NR3C2: variants seen among roughly 807,000 people sequenced by gnomAD.
NR3C2 encodes the protein mineralocorticoid receptor.
NR3C2 carries 15 observed loss-of-function variants against 86.4 expected under a neutral mutation model. The observed-to-expected ratio is 0.17, with a 90% confidence interval of 0.12 to 0.27. The LOEUF is 0.27. Among genes scored for constraint, NR3C2 ranks in the 10% least tolerant of loss-of-function variants. The pLI, the probability that NR3C2 is intolerant of heterozygous loss-of-function variation, is 1.00. For missense variants in NR3C2, 960 were observed against 1,195.6 expected, an observed-to-expected ratio of 0.80 and a Z score of 2.91; for synonymous variants, 458 against 450.5, an observed-to-expected ratio of 1.02 and a Z score of -0.21.
chr4:148,251,204 C>A (rs2149860432), intron 3 of NR3C2, among the ~76,000 whole-genome samples: 1 of 152,196 alleles, frequency 6.6e-6, no homozygotes, highest in South Asian at 2.1e-4. Flanking sequence ...AATAATCCAC[C>A]CGCCTAAACC....
intron 2 of NR3C2, among the ~76,000 whole-genome samples, chr4:148,344,265 A>G (rs2149984727): frequency 6.6e-6 from 1 of 152,310 alleles, no homozygotes; most frequent in East Asian, 1.9e-4. Context: ...TATTCCTTAT[A>G]TTCAGGTCAA....
chr4:148,168,802 A>G (rs1032887404), intron 4 of NR3C2, among the ~76,000 whole-genome samples: 1 of 152,196 alleles, frequency 6.6e-6, no homozygotes, highest in Non-Finnish European at 1.5e-5. Context: ...TGACAAAGTT[A>G]TCCATGACTC....
chr4:148,193,210 A>T (rs186711620), intron 4 of NR3C2, among the ~76,000 whole-genome samples: 1 of 152,290 alleles, frequency 6.6e-6, no homozygotes, highest in East Asian at 1.9e-4. Context: ...ACTCAGCTCC[A>T]GGTGAAGTCA....
chr4:148,305,686 T>C (rs1230479734), intron 2 of NR3C2, among the ~76,000 whole-genome samples: 1 of 152,234 alleles, frequency 6.6e-6, no homozygotes, highest in East Asian at 1.9e-4. Flanking sequence ...AGCAGTATAT[T>C]GTGCATGCAT....
intron 3 of NR3C2, among the ~76,000 whole-genome samples, chr4:148,237,208 A>T (rs79465784): frequency 6.6e-6 from 1 of 152,180 alleles, no homozygotes; most frequent in Non-Finnish European, 1.5e-5. Context: ...AAGACATACC[A>T]TCATTTGCAA....
At chr4:148,258,572 G>A (rs1739938628) in intron 3 of NR3C2, among the ~76,000 whole-genome samples, 1 of 152,188 alleles carries the variant, frequency 6.6e-6, no homozygotes, top group Admixed American at 6.5e-5. Context: ...GGGCAGAGGT[G>A]GGCATGTGAG....
At chr4:148,130,825 T>G (rs1264987815) in intron 6 of NR3C2, among the ~76,000 whole-genome samples, 3 of 127,436 alleles carry the variant, frequency 2.4e-5, no homozygotes, top group African/African-American at 9.3e-5. Flanking sequence ...TTTTGTTTTT[T>G]TTTTTTTTTT....
chr4:148,083,871 A>G (rs1397126422), intron 8 of NR3C2, among the ~76,000 whole-genome samples: 1 of 152,194 alleles, frequency 6.6e-6, no homozygotes, highest in Non-Finnish European at 1.5e-5. Flanking sequence ...AACTTCGTGA[A>G]GCATACACAA....
At chr4:148,305,540 TAAA>T (rs3054606) in intron 2 of NR3C2, among the ~76,000 whole-genome samples, 2 of 134,808 alleles carry the variant, frequency 1.5e-5, no homozygotes. Flanking sequence ...CATTCTTTCT[TAAA>T]AAAAAAAAAA....
At chr4:148,197,358 A>G (rs765594282) in intron 3 of NR3C2, among the ~76,000 whole-genome samples, 14 of 152,250 alleles carry the variant, frequency 9.2e-5, no homozygotes, top group Non-Finnish European at 1.8e-4. Flanking sequence ...TTTAAAGTCC[A>G]AAGAAATAAC....
At chr4:148,091,946 A>C (rs1206197459) in intron 8 of NR3C2, among the ~76,000 whole-genome samples, 2 of 152,122 alleles carry the variant, frequency 1.3e-5, no homozygotes, top group Non-Finnish European at 2.9e-5. Flanking sequence ...AACCACCAAG[A>C]AGAGTTCAGT....
At chr4:148,282,056 G>C (rs1042612236) in intron 2 of NR3C2, among the ~76,000 whole-genome samples, 17 of 152,292 alleles carry the variant, frequency 1.1e-4, no homozygotes, top group African/African-American at 3.6e-4. Flanking sequence ...TTTTGAGACA[G>C]AGTCTCGCTG....
intron 4 of NR3C2, among the ~76,000 whole-genome samples, chr4:148,193,898 A>T (rs1736320156): frequency 6.6e-6 from 1 of 152,262 alleles, no homozygotes; most frequent in South Asian, 2.1e-4. Context: ...CAATTGTCAT[A>T]GTATTTTCTA....
At chr4:148,216,581 G>A (rs545094485) in intron 3 of NR3C2, among the ~76,000 whole-genome samples, 2 of 152,094 alleles carry the variant, frequency 1.3e-5, no homozygotes, top group Admixed American at 6.5e-5. Flanking sequence ...GCCTTGGCTG[G>A]GTATCAGAAC....
chr4:148,175,556 T>C (rs991941143), intron 4 of NR3C2, among the ~76,000 whole-genome samples: 1 of 152,214 alleles, frequency 6.6e-6, no homozygotes, highest in Admixed American at 6.5e-5. Context: ...ATATATAGGA[T>C]AGAAAAGTGT....
At chr4:148,221,856 T>C (rs1359031248) in intron 3 of NR3C2, among the ~76,000 whole-genome samples, 2 of 145,746 alleles carry the variant, frequency 1.4e-5, no homozygotes, top group Admixed American at 1.4e-4. Context: ...ATCTCACCAT[T>C]GCACTCCAGC....
At chr4:148,397,246 C>T (rs1338219559) in intron 2 of NR3C2, among the ~76,000 whole-genome samples, 2 of 152,258 alleles carry the variant, frequency 1.3e-5, no homozygotes, top group Admixed American at 6.5e-5. Context: ...GGTGGCCTCA[C>T]TCCTGACACC....
At chr4:148,290,914 C>A (rs1741767294) in intron 2 of NR3C2, among the ~76,000 whole-genome samples, 1 of 152,052 alleles carries the variant, frequency 6.6e-6, no homozygotes. Context: ...AAATATTTTC[C>A]AGTTTTAGAT....
chr4:148,141,696 A>G (rs1378580021), intron 6 of NR3C2, among the ~76,000 whole-genome samples: 3 of 152,144 alleles, frequency 2.0e-5, no homozygotes, highest in African/African-American at 4.8e-5. Context: ...GCAGCAGGCG[A>G]GTGAGTGTTA....
Sources: allele counts gnomAD v4.1 joint callset (sites outside exome capture counted in the v4.1 genomes callset), GRCh38; gene constraint gnomAD v4.1.1; transcripts MANE v1.5; gene names NCBI Gene and HGNC (gene_info 2026-07-23, HGNC 2026-07-21).